The following MLPH variants were observed in gnomAD, a reference collection of about 807,000 sequenced individuals.
MLPH encodes exophilin-3.
MLPH carries 51 observed loss-of-function variants against 72.1 expected under a neutral mutation model. The observed-to-expected ratio is 0.71, with a 90% CI of 0.56 to 0.89. MLPH has a LOEUF of 0.89. MLPH is among the 40% of genes least tolerant of loss of function. The pLI, the probability that MLPH is intolerant of heterozygous loss-of-function variation, is 0.00. For synonymous variants in MLPH, 301 were observed against 310.1 expected (o/e 0.97, Z 0.31); for missense variants, 743 against 759.9 (o/e 0.98, Z 0.26).
intron 6 of MLPH, 112 bp from the exon 7 acceptor site, chr2:237,525,489 G>C: frequency 9.7e-7 from 1 of 1,025,974 alleles, no homozygotes; most frequent in Non-Finnish European, 1.5e-6. Context: ...CCTAGTGCTG[G>C]GTCAGTCAAG....
At chr2:237,517,672 A>C (rs909781667) in intron 4 of MLPH, among the ~76,000 whole-genome samples, 7 of 137,524 alleles carry the variant, frequency 5.1e-5, no homozygotes, top group Non-Finnish European at 7.9e-5. Flanking sequence ...TAGGTGAATG[A>C]GTGGGTAGAT....
At chr2:237,551,555 C>T (rs1448232332) in intron 14 of MLPH, among the ~76,000 whole-genome samples, 1 of 152,224 alleles carries the variant, frequency 6.6e-6, no homozygotes, top group African/African-American at 2.4e-5. Flanking sequence ...GCACCAGCCA[C>T]CTGGACACCA....
At position 237,524,603 on chromosome 2, in the gene MLPH, A is replaced by T. The variant is rs545300206; in HGVS notation, c.676-998A>T. ...GTGCCTTCCCCAGCCCACTGACTCC[A>T]ATGTTAATCTCCTTTGGCAACACCC... On this transcript the variant is annotated intron_variant, in intron 6 of 15. Coordinates refer to ENST00000264605, the MANE Select transcript of MLPH (RefSeq NM_024101.7). Among the ~76,000 whole-genome samples the T allele has an allele frequency of 3.3e-5, 5 of 152,240 alleles. No individual in the cohort carries two copies. In the South Asian group the frequency reaches 8.3e-4, roughly 25 times the overall value.
chr2:237,546,466 G>T, intron 12 of MLPH, 140 bp from the exon 13 acceptor site: 1 of 743,822 alleles, frequency 1.3e-6, no homozygotes, highest in East Asian at 2.7e-5. Context: ...GCGGCATACT[G>T]GGGGTGGCTG....
At position 237,519,087 on chromosome 2, in the gene MLPH, G is replaced by GTTTTT. The variant is rs397689972; in HGVS notation, c.555+444_555+448dup. Among the ~76,000 whole-genome samples, 274 of 148,354 alleles carry GTTTTT rather than the reference G, an allele frequency of 1.8e-3. 2 individuals are homozygous for GTTTTT. Among genetic ancestry groups the GTTTTT allele is most frequent in the African/African-American group, 6.5e-3 (253 of 38,706 alleles). ...TTCTGGGTTTTGTTTTGTTTTGTTT[G>GTTTTT]TTTTTTTTTGCCAACCATGAGCCTT... is the stretch of plus-strand genomic sequence containing the variant. On this transcript the variant is annotated intron_variant, in intron 5 of 15. Coordinates refer to ENST00000264605, the MANE Select transcript of MLPH (RefSeq NM_024101.7).
rs994038857 is a variant in MLPH, at chr2:237,512,369, G to C, written c.445+1268G>C. 1.3e-5 allele frequency among the ~76,000 whole-genome samples: 2 copies of C among 152,224 alleles called. No individual in the cohort carries two copies. Among genetic ancestry groups the C allele is most frequent in the Non-Finnish European group, 2.9e-5 (2 of 68,048 alleles). On this transcript the variant is annotated intron_variant, in intron 4 of 15. Coordinates refer to ENST00000264605, the MANE Select transcript of MLPH (RefSeq NM_024101.7). This position sits in a 1 kb window ranked among gnomAD's most constrained non-coding sequence, Gnocchi z 5.5. Reference sequence around the variant, plus strand: ...TAATTTAGGACAGAGGCCACGGAGAGGCACCGCTGGAGCAGTACACCGCAC... The same window carrying C: ...TAATTTAGGACAGAGGCCACGGAGACGCACCGCTGGAGCAGTACACCGCAC...
Position 237,542,557 on chromosome 2 carries a change from C to T in MLPH, c.1447-10C>T. 6.3e-7 allele frequency: 1 copy of T among 1,589,334 alleles called. No individual in the cohort carries two copies. Among genetic ancestry groups the T allele is most frequent in the Non-Finnish European group, 8.6e-7 (1 of 1,167,788 alleles). Reference sequence around the variant, plus strand: ...GTCTGACGGGCCTTCTGTCTGCTGTCCTCTCGCAGGTTTCAGACATTGAAT... The same window carrying T: ...GTCTGACGGGCCTTCTGTCTGCTGTTCTCTCGCAGGTTTCAGACATTGAAT... On this transcript the variant is annotated splice_polypyrimidine_tract_variant and intron_variant, in intron 11 of 15. Coordinates refer to ENST00000264605, the MANE Select transcript of MLPH (RefSeq NM_024101.7).
chr2:237,552,100 G>C, intron 14 of MLPH: 1 of 500,878 alleles, frequency 2.0e-6, no homozygotes, highest in South Asian at 2.1e-5. Flanking sequence ...CAGGGCCACA[G>C]TGAGGAAGAA....
At chr2:237,529,605 T>A (rs2080376644) in intron 8 of MLPH, among the ~76,000 whole-genome samples, 1 of 152,162 alleles carries the variant, frequency 6.6e-6, no homozygotes, top group Non-Finnish European at 1.5e-5. Flanking sequence ...TTTAAGGCAA[T>A]GAAAGACACA....
At chr2:237,508,876 A>G (rs1478672639) in intron 2 of MLPH, among the ~76,000 whole-genome samples, 1 of 152,228 alleles carries the variant, frequency 6.6e-6, no homozygotes, top group Non-Finnish European at 1.5e-5. Context: ...CCCATTCAGC[A>G]CACCAAGCTG....
At chr2:237,548,587 A>AG (rs1406240181) in intron 13 of MLPH, among the ~76,000 whole-genome samples, 4 of 152,204 alleles carry the variant, frequency 2.6e-5, no homozygotes, top group Non-Finnish European at 5.9e-5. Flanking sequence ...GAAGTGAATT[A>AG]GCCGGGCGCA....
intron 4 of MLPH, among the ~76,000 whole-genome samples, chr2:237,514,093 T>A (rs573852309): frequency 1.4e-4 from 22 of 152,118 alleles, no homozygotes; most frequent in Non-Finnish European, 2.5e-4. Flanking sequence ...AAGAAGATTA[T>A]ATAACAAGGC....
At chr2:237,553,282 G>GAGT (rs769689435) in intron 15 of MLPH, 11 of 565,844 alleles carry the variant, frequency 1.9e-5, no homozygotes, top group Non-Finnish European at 3.3e-5. Flanking sequence ...ATAGCAAAGG[G>GAGT]AGTAGCTGCT....
At chr2:237,516,820 G>A (rs1362861491) in intron 4 of MLPH, among the ~76,000 whole-genome samples, 1 of 150,148 alleles carries the variant, frequency 6.7e-6, no homozygotes, top group African/African-American at 2.5e-5. Context: ...TGGATGGATG[G>A]ATGGATGGTA....
intron 8 of MLPH, among the ~76,000 whole-genome samples, chr2:237,528,537 G>A (rs534953319): frequency 6.6e-6 from 1 of 152,086 alleles, no homozygotes; most frequent in Non-Finnish European, 1.5e-5. Flanking sequence ...TTTTAGTAGA[G>A]ACGGGGTTTC....
intron 14 of MLPH, among the ~76,000 whole-genome samples, chr2:237,550,635 C>A (rs532103156): frequency 2.0e-4 from 31 of 152,148 alleles, no homozygotes; most frequent in Non-Finnish European, 3.7e-4. Context: ...CTGCACCCCC[C>A]GCTTCCTGGG....
chr2:237,515,099 A>C (rs1311968438), intron 4 of MLPH, among the ~76,000 whole-genome samples: 1 of 152,174 alleles, frequency 6.6e-6, no homozygotes, highest in Non-Finnish European at 1.5e-5. Context: ...TTTCCAACCC[A>C]TGTAAAAGAT....
intron 9 of MLPH, 76 bp from the exon 10 acceptor site, chr2:237,540,272 T>C: frequency 1.3e-6 from 2 of 1,546,476 alleles, no homozygotes; most frequent in Admixed American, 1.8e-5. Context: ...CCCTGGCCCA[T>C]CTCCCAGAGC....
At chr2:237,499,951 G>T (rs1331575293) in intron 2 of MLPH, among the ~76,000 whole-genome samples, 1 of 152,012 alleles carries the variant, frequency 6.6e-6, no homozygotes, top group Non-Finnish European at 1.5e-5. Context: ...TCTCTATGTT[G>T]TCCAGGCTTG....
Sources: gnomAD v4.1 joint callset for allele counts (sites outside exome capture counted in the v4.1 genomes callset) on GRCh38, gnomAD v4.1.1 for gene constraint, Gnocchi (gnomAD v3.1) non-coding constraint, MANE v1.5 for transcripts, NCBI Gene and HGNC (gene_info 2026-07-23, HGNC 2026-07-21) for gene names.